Variants in PCDHA12 observed in about 807,000 individuals in gnomAD.
PCDHA12 encodes protocadherin alpha 12.
A neutral mutation model predicts 60.0 loss-of-function variants in PCDHA12; 44 were observed. The ratio of observed to expected loss-of-function variants is 0.73; its 90% CI spans 0.58 to 0.94. The LOEUF is 0.94. Ranked by LOEUF, PCDHA12 falls within the 40% of genes least tolerant of loss-of-function variation. PCDHA12 has a pLI of 0.00. For missense variants in PCDHA12, 1,276 were observed against 1,239.7 expected, an observed-to-expected ratio of 1.03 and a Z score of -0.44; for synonymous variants, 569 against 553.0, an observed-to-expected ratio of 1.03 and a Z score of -0.40.
chr5:141,002,923 C>T (rs1261794185), intron 3 of PCDHA12, among the ~76,000 whole-genome samples: 6 of 152,220 alleles, frequency 3.9e-5, no homozygotes, highest in African/African-American at 1.2e-4. Flanking sequence ...AAAGTGAACA[C>T]CCTCCAACAC....
intron 1 of PCDHA12, among the ~76,000 whole-genome samples, chr5:140,904,227 C>T (rs1373458999): frequency 5.9e-5 from 9 of 151,978 alleles, no homozygotes; most frequent in African/African-American, 2.2e-4. Context: ...TTGTATTATA[C>T]TTATGCCTTT....
chr5:140,988,403 C>T (rs1054317981), intron 3 of PCDHA12, among the ~76,000 whole-genome samples: 3 of 152,036 alleles, frequency 2.0e-5, no homozygotes, highest in African/African-American at 4.8e-5. Context: ...GAGTTCTCTT[C>T]GCAGCTTATG....
At chr5:140,985,067 A>C (rs2153836144) in intron 3 of PCDHA12, among the ~76,000 whole-genome samples, 1 of 152,116 alleles carries the variant, frequency 6.6e-6, no homozygotes, top group East Asian at 1.9e-4. Flanking sequence ...CCTCCTGAGT[A>C]GCTGAGACTA....
intron 1 of PCDHA12, among the ~76,000 whole-genome samples, chr5:140,942,008 T>C (rs155814): frequency 0.3 from 44,965 of 152,110 alleles, 7,230 homozygotes; most frequent in East Asian, 0.53. Flanking sequence ...CTCTTATTAT[T>C]AATTTTGGGA....
At chr5:140,975,304 G>A (rs1395392874) in intron 1 of PCDHA12, among the ~76,000 whole-genome samples, 2 of 152,200 alleles carry the variant, frequency 1.3e-5, no homozygotes, top group African/African-American at 2.4e-5. Context: ...AAGAGCTCAT[G>A]TGATTATGTC....
At chr5:140,986,135 A>G (rs2097188048) in intron 3 of PCDHA12, among the ~76,000 whole-genome samples, 1 of 152,256 alleles carries the variant, frequency 6.6e-6, no homozygotes, top group Non-Finnish European at 1.5e-5. Flanking sequence ...GAAAGGATCA[A>G]CAAGGGCATC....
In PCDHA12 at chr5:140,887,388, G is replaced by A. The variant is rs138166374; in HGVS notation, c.2367+9549G>A. ...TGGGATTACAGGTGTGAGCCACCGC[G>A]CCCGGCTCTTTATCTCATTTTTATT... is the stretch of plus-strand genomic sequence containing the variant. On this transcript the variant is annotated intron_variant, in intron 1 of 3. Transcript: ENST00000398631. 5.8e-3 allele frequency among the ~76,000 whole-genome samples: 888 copies of A among 152,192 alleles called. 10 individuals carry two copies. The highest frequency in any genetic ancestry group is 0.019 in the African/African-American group (805 of 41,536).
chr5:140,976,303 C>A (rs1458121600), intron 1 of PCDHA12, among the ~76,000 whole-genome samples: 10 of 152,090 alleles, frequency 6.6e-5, no homozygotes, highest in Non-Finnish European at 1.3e-4. Flanking sequence ...GTAATCCCAG[C>A]ACTTTGGGAG....
At chr5:140,890,634 T>A (rs986470825) in intron 1 of PCDHA12, among the ~76,000 whole-genome samples, 3 of 152,204 alleles carry the variant, frequency 2.0e-5, no homozygotes, top group African/African-American at 7.2e-5. Context: ...TAAGCATGTA[T>A]CCTTGATATA....
In PCDHA12 at chr5:141,010,237, G is replaced by C; in HGVS notation, c.*300G>C. 2.6e-6 allele frequency: 4 copies of C among 1,551,914 alleles called. No individual in the cohort carries two copies. The highest frequency in any genetic ancestry group is 3.5e-6 in the Non-Finnish European group (4 of 1,147,042). On this transcript the variant is annotated 3_prime_UTR_variant, in exon 4 of 4. Coordinates refer to ENST00000398631, the MANE Select transcript of PCDHA12 (RefSeq NM_018903.4). ...AGAGGCTTCCCAGCCCCGCCAGTGA[G>C]AGGTTGGACTCTCTGCCCTGTGCTC...
At chr5:140,918,928 C>A (rs2078929450) in intron 1 of PCDHA12, among the ~76,000 whole-genome samples, 1 of 152,172 alleles carries the variant, frequency 6.6e-6, no homozygotes, top group South Asian at 2.1e-4. Context: ...CAGCATATGG[C>A]ATTTTGTTAT....
chr5:140,942,679 G>C (rs549826522), intron 1 of PCDHA12, among the ~76,000 whole-genome samples: 1 of 152,020 alleles, frequency 6.6e-6, no homozygotes, highest in African/African-American at 2.4e-5. Context: ...AAAGTTTTAG[G>C]AATAACTTTA....
intron 1 of PCDHA12, among the ~76,000 whole-genome samples, chr5:140,937,326 C>A (rs1287239556): frequency 2.0e-5 from 3 of 152,046 alleles, no homozygotes; most frequent in African/African-American, 7.2e-5. Flanking sequence ...CGTGAGCCAC[C>A]GCGCCCGGCT....
At chr5:140,927,118 G>A in intron 1 of PCDHA12, 2 of 1,613,946 alleles carry the variant, frequency 1.2e-6, no homozygotes, top group Non-Finnish European at 1.7e-6. Context: ...CGGCAATTTG[G>A]TGGTCAGAGA....
intron 2 of PCDHA12, among the ~76,000 whole-genome samples, chr5:140,979,718 TGCCATGGG>T (rs1430155366): frequency 1.3e-5 from 2 of 152,270 alleles, no homozygotes; most frequent in Non-Finnish European, 2.9e-5. Context: ...CCAGTATCCA[TGCCATGGG>T]GCCAAATAAA....
intron 3 of PCDHA12, among the ~76,000 whole-genome samples, chr5:141,006,729 T>A (rs1554260883): frequency 2.0e-5 from 3 of 151,948 alleles, no homozygotes; most frequent in Non-Finnish European, 4.4e-5. Flanking sequence ...AAATGACAGG[T>A]CTTGATGATG....
intron 1 of PCDHA12, among the ~76,000 whole-genome samples, chr5:140,973,003 C>T (rs1417207719): frequency 4.0e-5 from 6 of 151,856 alleles, no homozygotes; most frequent in African/African-American, 7.3e-5. Flanking sequence ...CATTTGTGGT[C>T]GTGGTGTTGT....
At position 141,011,373 on chromosome 5, in the gene PCDHA12, TAA is replaced by T. The variant is rs1299941460; in HGVS notation, c.*1437_*1438del. The T allele has an allele frequency of 1.3e-5, 2 of 153,792 alleles. No homozygotes were observed. Among genetic ancestry groups the T allele is most frequent in the Non-Finnish European group, 2.9e-5 (2 of 68,046 alleles). The allele number at this position is 153,792 out of a possible 1,614,324, so 9.5% of individuals were successfully genotyped here. A position where few individuals can be genotyped will look rare whatever the true frequency, so the allele number is the denominator to read the frequency against. The stretch of plus-strand genomic sequence containing the variant: ...CCCATATGTATGCTGTATGCTATGC[TAA>T]GACTCCTGAAATATACTTACTCTGT... On this transcript the variant is annotated 3_prime_UTR_variant, in exon 4 of 4. Coordinates refer to ENST00000398631, the MANE Select transcript of PCDHA12 (RefSeq NM_018903.4).
intron 3 of PCDHA12, among the ~76,000 whole-genome samples, chr5:141,002,815 T>G (rs1554258803): frequency 6.6e-6 from 1 of 152,176 alleles, no homozygotes; most frequent in African/African-American, 2.4e-5. Flanking sequence ...GGCTCAGAGA[T>G]ATTTATGTAA....
Sources: gnomAD v4.1 joint callset for allele counts (sites outside exome capture counted in the v4.1 genomes callset) on GRCh38, gnomAD v4.1.1 for gene constraint, MANE v1.5 for transcripts, NCBI Gene and HGNC (gene_info 2026-07-23, HGNC 2026-07-21) for gene names.